Variants in CLDN16 observed in about 807,000 individuals in gnomAD.
CLDN16 encodes claudin 16, also known as claudin-16.
Under a neutral mutation model 24.6 loss-of-function variants are expected in CLDN16, and 13 were observed. The ratio of observed to expected loss-of-function variants is 0.53; its 90% CI spans 0.34 to 0.84. The LOEUF is 0.84. Ranked by LOEUF, CLDN16 falls within the 40% of genes least tolerant of loss-of-function variation. The pLI, the probability that CLDN16 is intolerant of heterozygous loss-of-function variation, is 0.01. For missense variants in CLDN16, 298 were observed against 292.7 expected (o/e 1.02, Z -0.13); for synonymous variants, 116 against 106.7 (o/e 1.09, Z -0.54).
At chr3:190,354,510 TG>T (rs1490877766) in intron 1 of CLDN16, among the ~76,000 whole-genome samples, 1 of 152,062 alleles carries the variant, frequency 6.6e-6, no homozygotes, top group African/African-American at 2.4e-5. Context: ...GTTCTCTTGA[TG>T]GCAAGACTGG....
At chr3:190,356,810 G>A (rs115946917) in intron 1 of CLDN16, among the ~76,000 whole-genome samples, 4,552 of 151,830 alleles carry the variant, frequency 0.03, 100 homozygotes, top group East Asian at 0.056. Context: ...GAAACATAAT[G>A]ATTGCAGATA....
chr3:190,333,400 GA>G (rs1174449982), intron 1 of CLDN16, among the ~76,000 whole-genome samples: 1 of 152,066 alleles, frequency 6.6e-6, no homozygotes, highest in Admixed American at 6.6e-5. Context: ...TACCCATTTT[GA>G]GTGCCTTAAA....
chr3:190,308,043 A>G, the CLDN16 span: 1 of 474,418 alleles, frequency 2.1e-6, no homozygotes, highest in Non-Finnish European at 3.8e-6. Context: ...AATGGGAAGC[A>G]GTAATACAAA....
chr3:190,405,511 C>A (rs1248679324), intron 3 of CLDN16, among the ~76,000 whole-genome samples: 1 of 149,810 alleles, frequency 6.7e-6, no homozygotes, highest in Non-Finnish European at 1.5e-5. Flanking sequence ...TACATAACTT[C>A]AATTTTTAAA....
rs1719271312 is a variant in CLDN16, at chr3:190,411,066, TCCTGGCTAACATGGTGAAAC to T, written c.*1035_*1054del. The stretch of plus-strand genomic sequence containing the variant: ...TCACGAGGTCAAGAGACGGAGACCA[TCCTGGCTAACATGGTGAAAC>T]CCTGTCTCTACTAAAAATACAAAAA... On this transcript the variant is annotated 3_prime_UTR_variant, in exon 5 of 5. Transcript: ENST00000264734. The T allele has an allele frequency of 6.6e-6, 1 of 152,116 alleles. No homozygotes were observed. Among genetic ancestry groups the T allele is most frequent in the Non-Finnish European group, 1.5e-5 (1 of 68,034 alleles). The allele number at this position is 152,116 out of a possible 1,614,324, so 9.4% of individuals were successfully genotyped here. A position where few individuals can be genotyped will look rare whatever the true frequency, so the allele number is the denominator to read the frequency against.
At chr3:190,351,088 G>A (rs1390716951) in intron 1 of CLDN16, among the ~76,000 whole-genome samples, 1 of 151,876 alleles carries the variant, frequency 6.6e-6, no homozygotes, top group Non-Finnish European at 1.5e-5. Context: ...TGGGAAATCC[G>A]GTTGTGTAAA....
intron 1 of CLDN16, among the ~76,000 whole-genome samples, chr3:190,396,543 CT>C (rs1362012803): frequency 6.6e-6 from 1 of 152,158 alleles, no homozygotes; most frequent in Non-Finnish European, 1.5e-5. Flanking sequence ...GAGTAAGAGA[CT>C]GTATGCTCCT....
intron 1 of CLDN16, among the ~76,000 whole-genome samples, chr3:190,363,374 T>C (rs1717942666): frequency 6.6e-6 from 1 of 151,514 alleles, no homozygotes; most frequent in South Asian, 2.1e-4. Flanking sequence ...GTAAATGCTT[T>C]ACCACATTTT....
At chr3:190,296,466 G>T in the CLDN16 span, among the ~76,000 whole-genome samples, 1 of 152,076 alleles carries the variant, frequency 6.6e-6, no homozygotes, top group Non-Finnish European at 1.5e-5. Context: ...AAATAGCAAG[G>T]AGACTAGTAT....
the CLDN16 span, among the ~76,000 whole-genome samples, chr3:190,292,179 C>T: frequency 6.6e-6 from 1 of 152,240 alleles, no homozygotes; most frequent in Non-Finnish European, 1.5e-5. Context: ...GCTCCTGCAG[C>T]AGACTTATGC....
intron 3 of CLDN16, among the ~76,000 whole-genome samples, chr3:190,378,924 T>C (rs1393769437): frequency 6.6e-6 from 1 of 151,998 alleles, no homozygotes; most frequent in Non-Finnish European, 1.5e-5. Context: ...TTTCTAATTA[T>C]GTCTTGTAGT....
intron 1 of CLDN16, among the ~76,000 whole-genome samples, chr3:190,367,910 T>G (rs1008780438): frequency 2.6e-5 from 4 of 151,944 alleles, no homozygotes; most frequent in African/African-American, 9.7e-5. Flanking sequence ...CAAAAGTCTC[T>G]GCAATCTGCA....
chr3:190,312,863 C>A, the CLDN16 span: 9 of 1,613,892 alleles, frequency 5.6e-6, no homozygotes, highest in African/African-American at 1.1e-4. Flanking sequence ...GGGGCACAGC[C>A]TCTATTACCT....
In CLDN16 at chr3:190,401,809, A is replaced by G. The variant is rs547936751; in HGVS notation, c.115-528A>G. Among the ~76,000 whole-genome samples the G allele has an allele frequency of 1.4e-4, 22 of 152,098 alleles. No homozygotes were observed. In the East Asian group the frequency reaches 4.2e-3, roughly 29 times the overall value. On this transcript the variant is annotated intron_variant, in intron 1 of 4. Coordinates refer to ENST00000264734, the MANE Select transcript of CLDN16 (RefSeq NM_006580.4). ...TTTATTTATTGGCATCTTTTCATTT[A>G]TTGGTTTTCTTTGCTAATTATTTTA...
At chr3:190,327,254 T>C (rs1717085927) in intron 1 of CLDN16, among the ~76,000 whole-genome samples, 1 of 152,240 alleles carries the variant, frequency 6.6e-6, no homozygotes, top group Non-Finnish European at 1.5e-5. Context: ...CCGTATTTCC[T>C]TGATTGAATT....
rs771742472 is a variant in CLDN16 at position 190,388,391 on chromosome 3, T to C, written c.62T>C (p.Ile21Thr). 9 of 1,613,936 alleles carry C rather than the reference T, an allele frequency of 5.6e-6. No homozygotes were observed. The highest frequency in any genetic ancestry group is 1.3e-5 in the African/African-American group (1 of 74,894). ...FFAFFSAGFL[I>T]VATWTDCWMV... Reference sequence around the variant, plus strand: ...GCCTTTTTCTCTGCTGGGTTTTTGATTGTGGCCACCTGGACTGACTGTTGG... The same window carrying C: ...GCCTTTTTCTCTGCTGGGTTTTTGACTGTGGCCACCTGGACTGACTGTTGG... Residue 21 changes from isoleucine (I) to threonine (T), a missense_variant, in exon 1 of 5, where the codon ATT becomes ACT. Ile to Thr is a moderately conservative substitution (Grantham distance 89, BLOSUM62 -1). Transcript: ENST00000264734.
intron 3 of CLDN16, among the ~76,000 whole-genome samples, chr3:190,383,119 G>A (rs1169923550): frequency 6.6e-6 from 1 of 152,090 alleles, no homozygotes; most frequent in African/African-American, 2.4e-5. Flanking sequence ...TGGTGTCTGA[G>A]AACCAGTTTT....
chr3:190,321,363 C>G (rs768902818), upstream of CLDN16, among the ~76,000 whole-genome samples: 2 of 152,164 alleles, frequency 1.3e-5, no homozygotes, highest in Non-Finnish European at 2.9e-5. Flanking sequence ...GGGGGAATCT[C>G]AAGCAGCTTC....
the CLDN16 span, chr3:190,308,305 G>A: frequency 6.2e-7 from 1 of 1,613,836 alleles, no homozygotes; most frequent in East Asian, 2.2e-5. Context: ...GCTGGAAGGT[G>A]CAGGTTTTGG....
Sources: allele counts gnomAD v4.1 joint callset (sites outside exome capture counted in the v4.1 genomes callset), GRCh38; gene constraint gnomAD v4.1.1; transcripts MANE v1.5; gene names NCBI Gene and HGNC (gene_info 2026-07-23, HGNC 2026-07-21).